Variants in UBAC2 observed in about 807,000 individuals in gnomAD.
UBAC2 encodes the protein UBA domain containing 2.
In UBAC2, 26 loss-of-function variants were observed where a neutral mutation model predicts 44.0. The ratio of observed to expected loss-of-function variants is 0.59; its 90% CI spans 0.43 to 0.82. The LOEUF (loss-of-function observed/expected upper bound fraction) is 0.82, where lower values mean the gene tolerates loss of function less well. Among genes scored for constraint, UBAC2 ranks in the 40% least tolerant of loss-of-function variants. UBAC2 has a pLI of 0.00. For missense variants in UBAC2, 329 were observed against 419.4 expected, an observed-to-expected ratio of 0.78 and a Z score of 1.88; for synonymous variants, 155 against 154.3, an observed-to-expected ratio of 1.00 and a Z score of -0.04.
At chr13:99,314,028 C>T in intron 4 of UBAC2, 69 bp from the exon 5 acceptor site, 2 of 1,455,660 alleles carry the variant, frequency 1.4e-6, no homozygotes, top group Non-Finnish European at 1.9e-6. Context: ...AGTGTTACTT[C>T]AAAGATACAT....
chr13:99,384,855 G>A (rs1040253868), intron 8 of UBAC2, among the ~76,000 whole-genome samples: 3 of 152,196 alleles, frequency 2.0e-5, no homozygotes, highest in African/African-American at 7.2e-5. Context: ...TGCCAGGGCT[G>A]AGCATGGGTC....
At chr13:99,364,171 T>C (rs1315445603) in intron 7 of UBAC2, among the ~76,000 whole-genome samples, 1 of 151,874 alleles carries the variant, frequency 6.6e-6, no homozygotes, top group African/African-American at 2.4e-5. Context: ...CATTATGCTG[T>C]GACTTGTGCT....
intron 1 of UBAC2, among the ~76,000 whole-genome samples, chr13:99,206,477 T>G (rs900880771): frequency 2.6e-5 from 4 of 152,236 alleles, no homozygotes; most frequent in African/African-American, 9.6e-5. Flanking sequence ...CTGGCTTTGC[T>G]CACCACCATG....
intron 4 of UBAC2, among the ~76,000 whole-genome samples, chr13:99,275,624 C>G (rs769262213): frequency 2.0e-5 from 3 of 151,960 alleles, no homozygotes; most frequent in Non-Finnish European, 4.4e-5. Context: ...AGGATAGTTT[C>G]TTCACTACCT....
chr13:99,256,106 A>G (rs2043551063), intron 4 of UBAC2, among the ~76,000 whole-genome samples: 1 of 152,222 alleles, frequency 6.6e-6, no homozygotes, highest in South Asian at 2.1e-4. Flanking sequence ...TGTTACAGCT[A>G]TAGCCCCACT....
At chr13:99,258,624 G>A (rs1046036988) in intron 4 of UBAC2, 16 of 152,182 alleles carry the variant, frequency 1.1e-4, no homozygotes, top group African/African-American at 3.6e-4. Flanking sequence ...GTAAAAGGGG[G>A]TTTAAAGTCT....
At chr13:99,228,755 G>A (rs1370502582) in intron 1 of UBAC2, among the ~76,000 whole-genome samples, 1 of 152,128 alleles carries the variant, frequency 6.6e-6, no homozygotes, top group Non-Finnish European at 1.5e-5. Context: ...TTTGAATTAC[G>A]AGGCAATGAG....
At chr13:99,333,271 T>G (rs765225941) in intron 6 of UBAC2, among the ~76,000 whole-genome samples, 4 of 152,266 alleles carry the variant, frequency 2.6e-5, no homozygotes, top group Non-Finnish European at 5.9e-5. Flanking sequence ...GCACTTTATA[T>G]TTTAATCCTT....
intron 8 of UBAC2, among the ~76,000 whole-genome samples, chr13:99,382,796 G>A (rs893352292): frequency 5.1e-4 from 78 of 152,220 alleles, no homozygotes; most frequent in African/African-American, 1.8e-3. Flanking sequence ...CATGGAAAAA[G>A]GCAGGGGCCC....
At chr13:99,298,335 T>A (rs2044207278) in intron 4 of UBAC2, among the ~76,000 whole-genome samples, 1 of 152,040 alleles carries the variant, frequency 6.6e-6, no homozygotes, top group Admixed American at 6.6e-5. Context: ...AGCTAAATTA[T>A]AAACCAATGA....
intron 7 of UBAC2, among the ~76,000 whole-genome samples, chr13:99,349,523 A>G (rs2045045376): frequency 6.6e-6 from 1 of 152,210 alleles, no homozygotes; most frequent in South Asian, 2.1e-4. Flanking sequence ...TTTATTGCAT[A>G]CAAGACCGGG....
At chr13:99,345,745 T>G (rs113323581) in intron 7 of UBAC2, among the ~76,000 whole-genome samples, 1 of 87,900 alleles carries the variant, frequency 1.1e-5, no homozygotes, top group South Asian at 2.8e-4. Context: ...TTCTTTCTTT[T>G]TTTTTTTTTT....
chr13:99,334,412 A>G (rs193160556), intron 6 of UBAC2, among the ~76,000 whole-genome samples: 143 of 152,340 alleles, frequency 9.4e-4, no homozygotes, highest in African/African-American at 3.4e-3. Context: ...CATTCAAATA[A>G]TGTCATTTCA....
At chr13:99,224,362 A>AT (rs1178959653) in intron 1 of UBAC2, among the ~76,000 whole-genome samples, 2 of 152,242 alleles carry the variant, frequency 1.3e-5, no homozygotes, top group African/African-American at 4.8e-5. Flanking sequence ...CTTAGTCAGC[A>AT]TAGAGCTTCA....
chr13:99,215,505 AG>A, intron 1 of UBAC2: 1 of 1,468,192 alleles, frequency 6.8e-7, no homozygotes. Context: ...GCAAGTGACG[AG>A]GGGTAATATA....
At position 99,234,779 on chromosome 13, in the gene UBAC2, G is replaced by T. The variant is rs148767971; in HGVS notation, c.32-3648G>T. Among the ~76,000 whole-genome samples, 440 of 152,254 alleles carry T rather than the reference G, an allele frequency of 2.9e-3. 2 individuals are homozygous for T. The highest frequency in any genetic ancestry group is 1.0e-2 in the African/African-American group (415 of 41,542). On this transcript the variant is annotated intron_variant, in intron 1 of 8. Coordinates refer to ENST00000403766, the MANE Select transcript of UBAC2 (RefSeq NM_001144072.2). ...AAAACACAAAGGTGGAACCAAGGAA[G>T]ACCAGAGGGAGAGAAGAGGCTACCT...
At chr13:99,309,513 C>T (rs1028697580) in intron 4 of UBAC2, among the ~76,000 whole-genome samples, 2 of 152,194 alleles carry the variant, frequency 1.3e-5, no homozygotes, top group Admixed American at 1.3e-4. Context: ...TTCATGAGCT[C>T]ACAAACCTTG....
intron 1 of UBAC2, chr13:99,205,988 CAATA>C (rs2042867374): frequency 6.5e-6 from 1 of 153,238 alleles, no homozygotes; most frequent in African/African-American, 2.4e-5. Flanking sequence ...TAGGTTGTGT[CAATA>C]AAGCTGATTG....
At chr13:99,300,786 A>T (rs1314259875) in intron 4 of UBAC2, among the ~76,000 whole-genome samples, 2 of 152,320 alleles carry the variant, frequency 1.3e-5, no homozygotes, top group African/African-American at 4.8e-5. Flanking sequence ...TTTCACATGC[A>T]TAGCAGTATG....
Sources: allele counts gnomAD v4.1 joint callset (sites outside exome capture counted in the v4.1 genomes callset), GRCh38; gene constraint gnomAD v4.1.1; transcripts MANE v1.5; gene names NCBI Gene and HGNC (gene_info 2026-07-23, HGNC 2026-07-21).